ADARB2: variants seen among roughly 807,000 people sequenced by gnomAD.
ADARB2 encodes adenosine deaminase RNA specific B2 (inactive).
A neutral mutation model predicts 62.2 loss-of-function variants in ADARB2; 25 were observed. That is an observed-to-expected ratio of 0.40 (90% CI 0.29 to 0.56). The LOEUF (loss-of-function observed/expected upper bound fraction) is 0.56. Ranked by LOEUF, ADARB2 falls within the 20% of genes least tolerant of loss-of-function variation. The probability of loss-of-function intolerance (pLI) is 0.43; values close to 1 mark genes in which losing one functional copy is unlikely to be tolerated. For missense variants in ADARB2, 1,071 were observed against 1,077.4 expected (o/e 0.99, Z 0.08); for synonymous variants, 572 against 500.8 (o/e 1.14, Z -1.90).
chr10:1,544,917 A>G (rs1254588313), intron 1 of ADARB2, among the ~76,000 whole-genome samples: 1 of 132,430 alleles, frequency 7.6e-6, no homozygotes, highest in Non-Finnish European at 1.6e-5. Context: ...CATATTAGGT[A>G]AAGTCTATAT....
At chr10:1,556,822 C>T (rs749598478) in intron 1 of ADARB2, 5 of 534,512 alleles carry the variant, frequency 9.4e-6, no homozygotes, top group Non-Finnish European at 1.9e-5. Context: ...ATGCTGCAGA[C>T]ACTTGCTCTG....
chr10:1,206,886 C>T (rs1056944649), intron 7 of ADARB2, among the ~76,000 whole-genome samples: 5 of 152,214 alleles, frequency 3.3e-5, no homozygotes, highest in Non-Finnish European at 7.3e-5. Context: ...GGCCGGGTCC[C>T]CCCAGGAACT....
At chr10:1,438,711 G>T (rs1322464839) in intron 1 of ADARB2, among the ~76,000 whole-genome samples, 1 of 151,660 alleles carries the variant, frequency 6.6e-6, no homozygotes, top group Non-Finnish European at 1.5e-5. Flanking sequence ...TTCACGATGG[G>T]GCTCCTGAGT....
intron 1 of ADARB2, among the ~76,000 whole-genome samples, chr10:1,553,774 G>A (rs1025541132): frequency 3.9e-5 from 6 of 152,144 alleles, no homozygotes; most frequent in Non-Finnish European, 7.3e-5. Context: ...AGACACTTGT[G>A]CTCTTCTAAG....
At chr10:1,623,193 A>G (rs1014572061) in intron 1 of ADARB2, among the ~76,000 whole-genome samples, 1 of 152,190 alleles carries the variant, frequency 6.6e-6, no homozygotes, top group Non-Finnish European at 1.5e-5. Context: ...TTGCAAAAAC[A>G]TCATTAAATA....
At chr10:1,524,261 A>G (rs1832112303) in intron 1 of ADARB2, among the ~76,000 whole-genome samples, 1 of 152,248 alleles carries the variant, frequency 6.6e-6, no homozygotes, top group South Asian at 2.1e-4. Flanking sequence ...CTTTATGACT[A>G]CTAAGCCTCA....
At chr10:1,329,561 T>A (rs1831908218) in intron 3 of ADARB2, among the ~76,000 whole-genome samples, 1 of 152,198 alleles carries the variant, frequency 6.6e-6, no homozygotes, top group African/African-American at 2.4e-5. Context: ...CTTGCTGGGA[T>A]CCAGGTGGTG....
chr10:1,699,102 C>G (rs1324824914), intron 1 of ADARB2, among the ~76,000 whole-genome samples: 3 of 152,246 alleles, frequency 2.0e-5, no homozygotes, highest in Non-Finnish European at 4.4e-5. Context: ...AAGGCTGACA[C>G]TGCAGTGATT....
chr10:1,227,701 A>G (rs1277487660), intron 6 of ADARB2, among the ~76,000 whole-genome samples: 2 of 152,238 alleles, frequency 1.3e-5, no homozygotes, highest in African/African-American at 4.8e-5. Context: ...AAAGCGATGC[A>G]TGGTTGCTAC....
chr10:1,499,797 C>T (rs1831741977), intron 1 of ADARB2, among the ~76,000 whole-genome samples: 1 of 152,100 alleles, frequency 6.6e-6, no homozygotes, highest in Non-Finnish European at 1.5e-5. Flanking sequence ...TCATCATTCC[C>T]TTGTTACTCA....
intron 1 of ADARB2, among the ~76,000 whole-genome samples, chr10:1,425,542 C>T (rs1256886154): frequency 6.6e-6 from 1 of 152,174 alleles, no homozygotes; most frequent in African/African-American, 2.4e-5. Flanking sequence ...ACTCCCAGTC[C>T]TCTGTCACTG....
At chr10:1,405,948 C>A (rs937953735) in intron 1 of ADARB2, among the ~76,000 whole-genome samples, 1 of 152,024 alleles carries the variant, frequency 6.6e-6, no homozygotes, top group Non-Finnish European at 1.5e-5. Context: ...CGCCAAGATA[C>A]ACCTGTTTAT....
chr10:1,733,500 A>T (rs1835260180), intron 1 of ADARB2, among the ~76,000 whole-genome samples: 1 of 152,206 alleles, frequency 6.6e-6, no homozygotes, highest in South Asian at 2.1e-4. Flanking sequence ...CATTTAAGAA[A>T]TTCCTCATAC....
intron 1 of ADARB2, among the ~76,000 whole-genome samples, chr10:1,526,223 T>TAGGTGGGGC (rs1239131146): frequency 4.0e-5 from 6 of 150,014 alleles, no homozygotes; most frequent in Admixed American, 1.3e-4. Context: ...GCAGGTGGGG[T>TAGGTGGGGC]AGGTGGGGCA....
intron 1 of ADARB2, among the ~76,000 whole-genome samples, chr10:1,455,599 G>C (rs1049045850): frequency 6.6e-6 from 1 of 152,148 alleles, no homozygotes; most frequent in Non-Finnish European, 1.5e-5. Context: ...TAATGTGTTC[G>C]ATCCAGTTTT....
At chr10:1,370,716 C>A (rs1351364386) in intron 2 of ADARB2, among the ~76,000 whole-genome samples, 1 of 152,030 alleles carries the variant, frequency 6.6e-6, no homozygotes, top group Non-Finnish European at 1.5e-5. Context: ...GCCACACACA[C>A]AAAATAAAAT....
intron 1 of ADARB2, among the ~76,000 whole-genome samples, chr10:1,394,376 C>T (rs1354063913): frequency 6.6e-6 from 1 of 152,214 alleles, no homozygotes; most frequent in African/African-American, 2.4e-5. Flanking sequence ...TACCTGTTGC[C>T]CTCACTGCAC....
chr10:1,294,642 T>C (rs1426572336), intron 3 of ADARB2, among the ~76,000 whole-genome samples: 1 of 152,148 alleles, frequency 6.6e-6, no homozygotes, highest in Non-Finnish European at 1.5e-5. Flanking sequence ...AACCGCTGGG[T>C]CACACTGCCT....
intron 2 of ADARB2, among the ~76,000 whole-genome samples, chr10:1,375,498 C>A (rs1832414199): frequency 6.6e-6 from 1 of 152,098 alleles, no homozygotes; most frequent in Admixed American, 6.5e-5. Context: ...GGCACTCAGT[C>A]CCAGACAAAA....
Sources: gnomAD v4.1 joint callset for allele counts (sites outside exome capture counted in the v4.1 genomes callset) on GRCh38, gnomAD v4.1.1 for gene constraint, MANE v1.5 for transcripts, NCBI Gene and HGNC (gene_info 2026-07-23, HGNC 2026-07-21) for gene names.